The following SPAG16 variants were observed in gnomAD, a reference collection of about 807,000 sequenced individuals.
SPAG16 encodes sperm associated antigen 16.
Under a neutral mutation model 80.4 loss-of-function variants are expected in SPAG16, and 86 were observed. The observed-to-expected ratio is 1.07, with a 90% CI of 0.90 to 1.28. The LOEUF (loss-of-function observed/expected upper bound fraction) is 1.28. Among genes scored for constraint, SPAG16 ranks in the 50% most tolerant of loss-of-function variants. The pLI is 0.00. For missense variants in SPAG16, 870 were observed against 765.3 expected, an observed-to-expected ratio of 1.14 and a Z score of -1.61; for synonymous variants, 294 against 265.9, an observed-to-expected ratio of 1.11 and a Z score of -1.03.
intron 13 of SPAG16, among the ~76,000 whole-genome samples, chr2:214,059,186 CTATATATATATA>C (rs36006046): frequency 0.29 from 33,605 of 114,330 alleles, 4,988 homozygotes; most frequent in Middle Eastern, 0.37. Flanking sequence ...CTCTCTCTGT[CTATATATATATA>C]TATATATATA....
intron 15 of SPAG16, among the ~76,000 whole-genome samples, chr2:214,243,576 AG>A (rs1183622960): frequency 6.6e-6 from 1 of 152,124 alleles, no homozygotes; most frequent in African/African-American, 2.4e-5. Context: ...TGTGTTCTAA[AG>A]AATTAATTTC....
chr2:214,047,944 A>G (rs2049426213), intron 13 of SPAG16, among the ~76,000 whole-genome samples: 1 of 152,198 alleles, frequency 6.6e-6, no homozygotes, highest in African/African-American at 2.4e-5. Context: ...AAAGGTGCTC[A>G]GCATCATTGA....
At chr2:213,954,909 T>A (rs1413532188) in intron 12 of SPAG16, among the ~76,000 whole-genome samples, 1 of 152,196 alleles carries the variant, frequency 6.6e-6, no homozygotes, top group Non-Finnish European at 1.5e-5. Flanking sequence ...ATTTTCCTGA[T>A]AGTAACGTTG....
At chr2:214,037,830 A>T (rs1024651981) in intron 13 of SPAG16, among the ~76,000 whole-genome samples, 3 of 148,596 alleles carry the variant, frequency 2.0e-5, no homozygotes, top group Admixed American at 2.0e-4. Context: ...TGATACCAAT[A>T]TTGCCTTTGC....
At chr2:213,844,644 T>G (rs1575328564) in intron 10 of SPAG16, among the ~76,000 whole-genome samples, 2 of 152,194 alleles carry the variant, frequency 1.3e-5, no homozygotes, top group Non-Finnish European at 2.9e-5. Context: ...CTTATAATAG[T>G]CAATAAATGC....
chr2:213,403,507 A>AC (rs200742988), intron 9 of SPAG16, among the ~76,000 whole-genome samples: 33,430 of 152,010 alleles, frequency 0.22, 4,515 homozygotes, highest in Non-Finnish European at 0.31. Context: ...AAATTCAGCA[A>AC]CCTTCATGCT....
At chr2:213,527,169 G>A (rs1056078384) in intron 10 of SPAG16, among the ~76,000 whole-genome samples, 6 of 152,146 alleles carry the variant, frequency 3.9e-5, no homozygotes, top group Admixed American at 3.9e-4. Context: ...GGAGATTGGA[G>A]TCTAGATGCT....
At chr2:214,278,398 C>T (rs1272889858) in intron 15 of SPAG16, among the ~76,000 whole-genome samples, 1 of 152,166 alleles carries the variant, frequency 6.6e-6, no homozygotes, top group African/African-American at 2.4e-5. Context: ...TCTTCTGCAT[C>T]AATCATGCTG....
At chr2:213,331,895 G>A (rs1360736643) in intron 5 of SPAG16, among the ~76,000 whole-genome samples, 1 of 151,894 alleles carries the variant, frequency 6.6e-6, no homozygotes, top group East Asian at 1.9e-4. Context: ...ACTAAGAGGG[G>A]AATTTATAGG....
At chr2:214,351,619 C>T (rs1285350743) in intron 15 of SPAG16, among the ~76,000 whole-genome samples, 1 of 152,000 alleles carries the variant, frequency 6.6e-6, no homozygotes, top group African/African-American at 2.4e-5. Context: ...AGGAGAATGG[C>T]GTGAACCCAG....
At chr2:213,297,394 T>C in intron 3 of SPAG16, 37 bp downstream of exon 3, 4 of 1,270,030 alleles carry the variant, frequency 3.1e-6, no homozygotes, top group Non-Finnish European at 4.5e-6. Context: ...TATAGTTTAG[T>C]GGTAGTGCTT....
chr2:214,244,958 A>G (rs1176812562), intron 15 of SPAG16, among the ~76,000 whole-genome samples: 1 of 152,120 alleles, frequency 6.6e-6, no homozygotes, highest in East Asian at 1.9e-4. Flanking sequence ...GTCTAACTCA[A>G]TGCTTTCTTA....
intron 10 of SPAG16, among the ~76,000 whole-genome samples, chr2:213,754,054 C>G (rs542169825): frequency 6.6e-6 from 1 of 152,252 alleles, no homozygotes; most frequent in East Asian, 1.9e-4. Context: ...AAAAGGTGAT[C>G]TATTATAACT....
chr2:213,398,168 G>GT (rs61056930), intron 9 of SPAG16, among the ~76,000 whole-genome samples: 4,315 of 138,668 alleles, frequency 0.031, 111 homozygotes, highest in African/African-American at 0.06. Flanking sequence ...TTTGCTCTCT[G>GT]TTTTTTTTTT....
intron 5 of SPAG16, among the ~76,000 whole-genome samples, chr2:213,323,217 G>C (rs2063698457): frequency 6.6e-6 from 1 of 152,184 alleles, no homozygotes; most frequent in South Asian, 2.1e-4. Flanking sequence ...GAGGCGGGCA[G>C]ATCACAAGGT....
At chr2:213,632,643 C>T (rs760315055) in intron 10 of SPAG16, among the ~76,000 whole-genome samples, 21 of 151,912 alleles carry the variant, frequency 1.4e-4, no homozygotes, top group Non-Finnish European at 2.1e-4. Context: ...AGGTATATTC[C>T]TTCTATCTCC....
At chr2:213,810,598 A>G (rs2072072044) in intron 10 of SPAG16, among the ~76,000 whole-genome samples, 1 of 152,148 alleles carries the variant, frequency 6.6e-6, no homozygotes, top group African/African-American at 2.4e-5. Flanking sequence ...ACATAAGATA[A>G]TTTGAAGATA....
chr2:214,085,792 G>T (rs777320539), intron 13 of SPAG16, among the ~76,000 whole-genome samples: 22 of 152,150 alleles, frequency 1.4e-4, no homozygotes, highest in Non-Finnish European at 3.2e-4. Context: ...TGATGTTGAA[G>T]GCTTTTCACA....
At chr2:214,327,093 T>C (rs1156509515) in intron 15 of SPAG16, among the ~76,000 whole-genome samples, 2 of 152,172 alleles carry the variant, frequency 1.3e-5, no homozygotes, top group Non-Finnish European at 2.9e-5. Flanking sequence ...GTGAATATCT[T>C]TCTCTAGAGT....
Sources: allele counts gnomAD v4.1 joint callset (sites outside exome capture counted in the v4.1 genomes callset), GRCh38; gene constraint gnomAD v4.1.1; transcripts MANE v1.5; gene names NCBI Gene and HGNC (gene_info 2026-07-23, HGNC 2026-07-21).